The following COL26A1 variants were observed in gnomAD, a reference collection of about 807,000 sequenced individuals.
COL26A1 encodes collagen type XXVI alpha 1 chain, also known as collagen alpha-1(XXVI) chain.
In COL26A1, 41 loss-of-function variants were observed where a neutral mutation model predicts 59.3. The observed-to-expected ratio is 0.69, with a 90% CI of 0.54 to 0.90. The LOEUF (loss-of-function observed/expected upper bound fraction) is 0.90. Ranked by LOEUF, COL26A1 falls within the 40% of genes least tolerant of loss-of-function variation. The pLI, the probability that COL26A1 is intolerant of heterozygous loss-of-function variation, is 0.00. For missense variants in COL26A1, 612 were observed against 602.3 expected, an observed-to-expected ratio of 1.02 and a Z score of -0.17; for synonymous variants, 266 against 256.0, an observed-to-expected ratio of 1.04 and a Z score of -0.37.
At chr7:101,447,046 GA>G in intron 2 of COL26A1, among the ~76,000 whole-genome samples, 1 of 152,184 alleles carries the variant, frequency 6.6e-6, no homozygotes, top group East Asian at 1.9e-4. Context: ...GTAGGGGGTC[GA>G]AGTGAGGTTT....
chr7:101,498,058 G>T (rs192856251), intron 3 of COL26A1, among the ~76,000 whole-genome samples: 1 of 152,206 alleles, frequency 6.6e-6, no homozygotes, highest in African/African-American at 2.4e-5. Flanking sequence ...AGCTAACACA[G>T]AGAACAAAAA....
At chr7:101,385,445 A>C (rs1158869152) in intron 1 of COL26A1, among the ~76,000 whole-genome samples, 1 of 150,508 alleles carries the variant, frequency 6.6e-6, no homozygotes, top group African/African-American at 2.4e-5. Context: ...ATCTTGGCTC[A>C]CTGCAACCTC....
chr7:101,466,519 T>C (rs763533241), intron 3 of COL26A1, among the ~76,000 whole-genome samples: 1 of 152,002 alleles, frequency 6.6e-6, no homozygotes, highest in Non-Finnish European at 1.5e-5. Flanking sequence ...CTGGCCAACA[T>C]AGACCCCGTC....
intron 3 of COL26A1, among the ~76,000 whole-genome samples, chr7:101,471,948 ATTCTC>A (rs60271596): frequency 0.11 from 17,326 of 152,064 alleles, 1,465 homozygotes; most frequent in East Asian, 0.3. Context: ...TAGTATTGCT[ATTCTC>A]TTGTGTAACT....
intron 4 of COL26A1, among the ~76,000 whole-genome samples, chr7:101,539,404 C>T (rs1255137992): frequency 1.3e-5 from 2 of 151,776 alleles, no homozygotes; most frequent in African/African-American, 2.4e-5. Context: ...AGCGCAGTGG[C>T]ACAATCATAA....
At chr7:101,447,004 G>A (rs1793214005) in intron 2 of COL26A1, among the ~76,000 whole-genome samples, 1 of 152,090 alleles carries the variant, frequency 6.6e-6, no homozygotes, top group African/African-American at 2.4e-5. Flanking sequence ...GGAAGTTGGG[G>A]AGTGGTGACT....
chr7:101,540,245 G>A (rs965290310), intron 5 of COL26A1, among the ~76,000 whole-genome samples, 196 bp downstream of exon 5: 4 of 152,212 alleles, frequency 2.6e-5, no homozygotes, highest in African/African-American at 9.6e-5. Context: ...CTCTTAAGAA[G>A]TAGACGATCT....
chr7:101,501,198 A>C (rs1027773093), intron 3 of COL26A1, among the ~76,000 whole-genome samples: 1 of 131,688 alleles, frequency 7.6e-6, no homozygotes, highest in Non-Finnish European at 1.7e-5. Context: ...AAAAAAAAAA[A>C]AAAGAAAAGA....
intron 4 of COL26A1, among the ~76,000 whole-genome samples, chr7:101,534,575 AC>A (rs1208255977): frequency 6.6e-6 from 1 of 152,038 alleles, no homozygotes; most frequent in Non-Finnish European, 1.5e-5. Flanking sequence ...CATATGTAAT[AC>A]CCATGGTCAC....
At chr7:101,387,666 T>TA (rs1284474417) in intron 1 of COL26A1, among the ~76,000 whole-genome samples, 6 of 139,462 alleles carry the variant, frequency 4.3e-5, no homozygotes, top group African/African-American at 5.3e-5. Context: ...TATAAATACA[T>TA]ACATATATAT....
chr7:101,395,993 C>T (rs1791846680), intron 1 of COL26A1, among the ~76,000 whole-genome samples: 1 of 152,150 alleles, frequency 6.6e-6, no homozygotes, highest in Non-Finnish European at 1.5e-5. Flanking sequence ...CATGGTGGCT[C>T]ACGCCTGTAA....
At chr7:101,542,762 C>T (rs1275173906) in intron 5 of COL26A1, among the ~76,000 whole-genome samples, 1 of 149,942 alleles carries the variant, frequency 6.7e-6, no homozygotes, top group Non-Finnish European at 1.5e-5. Flanking sequence ...GAGCTCAGGT[C>T]TCCTACGGGA....
At chr7:101,507,539 C>T (rs79078976) in intron 3 of COL26A1, among the ~76,000 whole-genome samples, 10,434 of 151,968 alleles carry the variant, frequency 0.069, 748 homozygotes, top group African/African-American at 0.18. Flanking sequence ...CTCCCACTTC[C>T]CCATCCTGAG....
At chr7:101,450,794 CTATA>C (rs1793315333) in intron 3 of COL26A1, among the ~76,000 whole-genome samples, 1 of 146,858 alleles carries the variant, frequency 6.8e-6, no homozygotes, top group African/African-American at 2.5e-5. Context: ...ATTCCATAGT[CTATA>C]TGAATATGAA....
At chr7:101,382,504 T>A (rs974485354) in intron 1 of COL26A1, among the ~76,000 whole-genome samples, 1 of 152,242 alleles carries the variant, frequency 6.6e-6, no homozygotes, top group African/African-American at 2.4e-5. Context: ...TTCTGAACTC[T>A]TATTTTCTAC....
intron 12 of COL26A1, among the ~76,000 whole-genome samples, chr7:101,557,030 TGGATGGATGGATGGAC>T (rs758926544): frequency 0.17 from 24,088 of 145,744 alleles, 2,254 homozygotes; most frequent in Middle Eastern, 0.25. Context: ...GATGGATGGA[TGGATGGATGGATGGAC>T]GGGCAGGTAA....
rs777207458 is a variant in COL26A1 at position 101,540,021 on chromosome 7, A to G, written c.576A>G (p.Pro192=). Residue 192 remains proline (P), a synonymous_variant, in exon 5 of 13, where the codon CCA becomes CCG. Transcript: ENST00000313669. ...CCATCCCTCTTGCTCACCCTGTGCC[A>G]CGACAGAGAAGGCCCACGGGCCCAG... ...PDAIPLAHPV[P]RQRRPTGPAG... 6.6e-5 allele frequency: 106 copies of G among 1,613,214 alleles called. No homozygotes were observed. Among genetic ancestry groups the G allele is most frequent in the Non-Finnish European group, 8.4e-5 (99 of 1,179,770 alleles).
chr7:101,419,967 C>T lies in COL26A1; in HGVS notation c.159-10C>T. 9 of 1,613,192 alleles carry T rather than the reference C, an allele frequency of 5.6e-6. No homozygotes were observed. The highest frequency in any genetic ancestry group is 1.1e-5 in the South Asian group (1 of 90,976). ...AGGCAGGGCTCATGTGACTGTTGCT[C>T]TCTCCACAGGCACTGGTGCCATCAC... On this transcript the variant is annotated splice_polypyrimidine_tract_variant and intron_variant, in intron 1 of 12. Coordinates refer to ENST00000313669, the MANE Select transcript of COL26A1 (RefSeq NM_001278563.3).
intron 1 of COL26A1, among the ~76,000 whole-genome samples, chr7:101,404,213 TTGAC>T (rs1161970966): frequency 2.6e-5 from 4 of 152,158 alleles, no homozygotes; most frequent in Admixed American, 2.0e-4. Context: ...GGCAGGGTCT[TTGAC>T]TGTGTGATGC....
Sources: allele counts gnomAD v4.1 joint callset (sites outside exome capture counted in the v4.1 genomes callset), GRCh38; gene constraint gnomAD v4.1.1; transcripts MANE v1.5; gene names NCBI Gene and HGNC (gene_info 2026-07-23, HGNC 2026-07-21).